CLCN6: variants seen among roughly 807,000 people sequenced by gnomAD.
CLCN6 encodes H(+)/Cl(-) exchange transporter 6.
Under a neutral mutation model 109.8 loss-of-function variants are expected in CLCN6, and 70 were observed. The observed-to-expected ratio is 0.64, with a 90% CI of 0.53 to 0.78. CLCN6 has a LOEUF of 0.78. Ranked by LOEUF, CLCN6 falls within the 30% of genes least tolerant of loss-of-function variation. CLCN6 has a pLI of 0.00. For missense variants in CLCN6, 984 were observed against 1,142.3 expected, an observed-to-expected ratio of 0.86 and a Z score of 2.00; for synonymous variants, 444 against 447.8, an observed-to-expected ratio of 0.99 and a Z score of 0.11.
rs192988849 is a variant in CLCN6, at chr1:11,839,331, G to A, written c.2529+671G>A. Among the ~76,000 whole-genome samples the A allele has an allele frequency of 5.3e-3, 805 of 152,190 alleles. 4 individuals are homozygous for A. The highest frequency in any genetic ancestry group is 7.9e-3 in the Admixed American group (121 of 15,286). The stretch of plus-strand genomic sequence containing the variant: ...GGCTGGAGTGCAGTGGCAAGATCTC[G>A]GCTCACTGCAGCCTCGACCTTCCAG... On this transcript the variant is annotated intron_variant, in intron 22 of 22. Transcript: ENST00000346436.
chr1:11,810,804 G>A (rs1392567967), intron 2 of CLCN6, among the ~76,000 whole-genome samples: 3 of 151,724 alleles, frequency 2.0e-5, no homozygotes, highest in South Asian at 2.1e-4. Context: ...AGTGGCTCAC[G>A]CCTATATGCT....
chr1:11,815,871 A>T lies in CLCN6; in HGVS notation c.173A>T (p.Asn58Ile). The change falls in exon 3 of 23, where the codon AAT becomes ATT. Residue 58 changes from asparagine (N) to isoleucine (I), a missense_variant. Asn to Ile is a moderately radical substitution (Grantham distance 149). Coordinates refer to ENST00000346436, the MANE Select transcript of CLCN6 (RefSeq NM_001286.5). ...AGTTTGGATTATGATCGCTGTATCAATGACCCTTACCTGGAAGTTTTGGAG... is the reference window on the plus strand; with the variant it reads ...AGTTTGGATTATGATCGCTGTATCATTGACCCTTACCTGGAAGTTTTGGAG... ...YESLDYDRCINDPYLEVLETM... is the reference protein window; with the variant it reads ...YESLDYDRCIIDPYLEVLETM... 1 of 1,614,024 alleles carries T rather than the reference A, an allele frequency of 6.2e-7. No homozygotes were observed. The highest frequency in any genetic ancestry group is 8.5e-7 in the Non-Finnish European group (1 of 1,179,872).
intron 9 of CLCN6, among the ~76,000 whole-genome samples, chr1:11,826,764 C>A (rs755037660): frequency 2.6e-5 from 4 of 152,170 alleles, no homozygotes; most frequent in Non-Finnish European, 4.4e-5. Context: ...CCGGTGGGAA[C>A]ATGGTGCAGC....
At position 11,829,287 on chromosome 1, in the gene CLCN6, T is replaced by C. The variant is rs1262074401; in HGVS notation, c.1213T>C (p.Ser405Pro). ...VLGECRQMSS[S>P]SQIGNDSFQL... ...AGGAGAATGCCGACAGATGTCCTCTTCGAGTCAAATCGGTAATGACTCATT... is the reference window on the plus strand; with the variant it reads ...AGGAGAATGCCGACAGATGTCCTCTCCGAGTCAAATCGGTAATGACTCATT... Residue 405 changes from serine to proline, a missense_variant, in exon 13 of 23, where the codon TCG becomes CCG. By Grantham distance (74) the Ser-to-Pro change is moderately conservative (BLOSUM62 -1). Transcript: ENST00000346436. The C allele has an allele frequency of 6.2e-7, 1 of 1,614,026 alleles. No individual in the cohort carries two copies. Among genetic ancestry groups the C allele is most frequent in the Non-Finnish European group, 8.5e-7 (1 of 1,180,022 alleles).
chr1:11,827,287 G>C (rs978653716), intron 10 of CLCN6, 66 bp downstream of exon 10: 3 of 1,516,270 alleles, frequency 2.0e-6, no homozygotes, highest in Admixed American at 2.0e-5. Context: ...TCCCTTACTC[G>C]GTACATGGAA....
At chr1:11,822,523 A>G (rs1414691429) in intron 5 of CLCN6, among the ~76,000 whole-genome samples, 172 bp from the exon 6 acceptor site, 1 of 152,216 alleles carries the variant, frequency 6.6e-6, no homozygotes, top group Non-Finnish European at 1.5e-5. Flanking sequence ...GATTACAGGC[A>G]TGAGCCATTG....
chr1:11,834,345 G>A lies in CLCN6; in HGVS notation c.1636G>A (p.Glu546Lys). The change falls in exon 16 of 23, where the codon GAG (glutamate) becomes AAG (lysine). Residue 546 changes from glutamate to lysine, a missense_variant. Physicochemically the swap from Glu to Lys is moderately conservative, Grantham distance 56. Coordinates refer to ENST00000346436, the MANE Select transcript of CLCN6 (RefSeq NM_001286.5). The surrounding 1 kb of genome is among the most constrained non-coding windows in gnomAD (Gnocchi z 4.5). ...MTISLTVILI[E>K]STNEITYGLP... The stretch of plus-strand genomic sequence containing the variant: ...CATCAGCCTCACGGTCATCCTGATC[G>A]AGTCCACCAATGAGATCACCTACGG... 4.3e-6 allele frequency: 7 copies of A among 1,614,026 alleles called. No homozygotes were observed. Among genetic ancestry groups the A allele is most frequent in the South Asian group, 1.1e-5 (1 of 91,072 alleles).
chr1:11,828,288 A>T, intron 11 of CLCN6, 69 bp downstream of exon 11: 1 of 1,485,280 alleles, frequency 6.7e-7, no homozygotes, highest in Non-Finnish European at 9.4e-7. Flanking sequence ...GTGAAGGACC[A>T]GAGAGAAATG....
chr1:11,837,126 A>G lies in CLCN6; in HGVS notation c.2108A>G (p.Glu703Gly), dbSNP rs1369014610. ...GCCTCTGAGGAGCCAGCCGAGAAGG[A>G]GGACCTCCTGCAGCAGATGCTGGAA... ...HIASEEPAEK[E>G]DLLQQMLERR... The change falls in exon 19 of 23, where the codon GAG becomes GGG. Residue 703 changes from glutamate (E) to glycine (G), a missense_variant. Physicochemically the swap from Glu to Gly is moderately conservative, Grantham distance 98. Transcript: ENST00000346436. 1.2e-6 allele frequency: 2 copies of G among 1,613,130 alleles called. No homozygotes were observed. The highest frequency in any genetic ancestry group is 1.3e-5 in the African/African-American group (1 of 75,054).
intron 2 of CLCN6, among the ~76,000 whole-genome samples, chr1:11,808,764 G>C (rs374276955): frequency 5.4e-4 from 82 of 150,916 alleles, no homozygotes; most frequent in Non-Finnish European, 9.9e-4. Context: ...ATTTGGAGCC[G>C]TTTGTATAGT....
At position 11,823,710 on chromosome 1, in the gene CLCN6, G is replaced by T; in HGVS notation, c.457G>T (p.Val153Leu). ...LASLLVLIEPVAAGSGIPEVK... is the reference protein window; with the variant it reads ...LASLLVLIEPLAAGSGIPEVK... ...TGTGCCTGCTCTCCTCCATCAGCCG[G>T]TGGCAGCAGGTTCCGGGATACCCGA... Residue 153 changes from valine to leucine, a missense_variant, in exon 7 of 23, where the codon GTG (valine) becomes TTG (leucine). Coordinates refer to ENST00000346436, the MANE Select transcript of CLCN6 (RefSeq NM_001286.5). 1 of 1,614,202 alleles carries T rather than the reference G, an allele frequency of 6.2e-7. No individual in the cohort carries two copies. Among genetic ancestry groups the T allele is most frequent in the Non-Finnish European group, 8.5e-7 (1 of 1,180,008 alleles).
At chr1:11,815,414 G>A (rs1191406686) in intron 2 of CLCN6, among the ~76,000 whole-genome samples, 1 of 152,144 alleles carries the variant, frequency 6.6e-6, no homozygotes. Flanking sequence ...GTTTGTTTTT[G>A]AAACGGAGTC....
chr1:11,820,615 A>C, intron 5 of CLCN6: 1 of 398,986 alleles, frequency 2.5e-6, no homozygotes, highest in Non-Finnish European at 4.8e-6. Context: ...AAATACAAAA[A>C]AATTAGCTGG....
chr1:11,820,995 GA>G, intron 5 of CLCN6, among the ~76,000 whole-genome samples: 1 of 151,192 alleles, frequency 6.6e-6, no homozygotes, highest in East Asian at 1.9e-4. Flanking sequence ...AGAATCGCTT[GA>G]ACCCGGGAGA....
At chr1:11,817,268 G>A (rs1006348537) in intron 4 of CLCN6, among the ~76,000 whole-genome samples, 7 of 152,140 alleles carry the variant, frequency 4.6e-5, no homozygotes, top group Non-Finnish European at 7.3e-5. Context: ...GGGAAAAAGC[G>A]AAGTCGTGGG....
chr1:11,830,764 T>C (rs557052952), intron 13 of CLCN6, among the ~76,000 whole-genome samples: 9,348 of 115,540 alleles, frequency 0.081, 472 homozygotes, highest in East Asian at 0.16. Context: ...TATATATATA[T>C]ACACACACAC....
At chr1:11,823,974 T>G in intron 7 of CLCN6, 141 bp downstream of exon 7, 1 of 1,006,544 alleles carries the variant, frequency 9.9e-7, no homozygotes, top group South Asian at 1.6e-5. Flanking sequence ...GATGGGCTGT[T>G]TTTAAATGCA....
At chr1:11,833,664 C>G in intron 14 of CLCN6, 26 bp downstream of exon 14, 1 of 1,612,094 alleles carries the variant, frequency 6.2e-7, no homozygotes, top group Middle Eastern at 1.7e-4. Context: ...GCAGCCCAAT[C>G]GTGGGTGATT....
chr1:11,833,092 C>T (rs564793756), intron 13 of CLCN6, among the ~76,000 whole-genome samples: 7 of 150,970 alleles, frequency 4.6e-5, no homozygotes, highest in South Asian at 2.1e-4. Context: ...TTGGGGCTTT[C>T]GGTCAAGTGG....
Sources: gnomAD v4.1 joint callset for allele counts (sites outside exome capture counted in the v4.1 genomes callset) on GRCh38, gnomAD v4.1.1 for gene constraint, Gnocchi (gnomAD v3.1) non-coding constraint, MANE v1.5 for transcripts, NCBI Gene and HGNC (gene_info 2026-07-23, HGNC 2026-07-21) for gene names.